Variants in CPE observed in about 807,000 individuals in gnomAD.
CPE encodes the protein carboxypeptidase E, also known as carbocypeptidase E.
Under a neutral mutation model 53.5 loss-of-function variants are expected in CPE, and 17 were observed. The ratio of observed to expected loss-of-function variants is 0.32; its 90% CI spans 0.22 to 0.48. The LOEUF is 0.48. CPE is among the 20% of genes least tolerant of loss of function. The pLI, the probability that CPE is intolerant of heterozygous loss-of-function variation, is 0.99. For missense variants in CPE, 524 were observed against 614.7 expected (o/e 0.85, Z 1.56); for synonymous variants, 226 against 228.8 (o/e 0.99, Z 0.11).
chr4:165,393,355 A>C (rs1376053673), intron 1 of CPE, among the ~76,000 whole-genome samples: 1 of 152,198 alleles, frequency 6.6e-6, no homozygotes, highest in Admixed American at 6.5e-5. Context: ...AGAAATATTT[A>C]GTATTTAACT....
chr4:165,497,255 A>C (rs1732717699), intron 8 of CPE, among the ~76,000 whole-genome samples: 1 of 152,150 alleles, frequency 6.6e-6, no homozygotes, highest in Admixed American at 6.6e-5. Flanking sequence ...AGACTGGGGC[A>C]AGAATTTTGT....
intron 1 of CPE, among the ~76,000 whole-genome samples, chr4:165,433,625 G>A (rs1208671245): frequency 6.6e-6 from 1 of 152,164 alleles, no homozygotes; most frequent in South Asian, 2.1e-4. Flanking sequence ...GCCATTTATA[G>A]GAGAAAGCAG....
At chr4:165,488,229 G>T (rs1173137855) in intron 6 of CPE, among the ~76,000 whole-genome samples, 6 of 152,104 alleles carry the variant, frequency 3.9e-5, no homozygotes, top group African/African-American at 1.4e-4. Context: ...AGGAATCAGA[G>T]ACACAGAGAG....
At chr4:165,431,739 T>C (rs551303652) in intron 1 of CPE, among the ~76,000 whole-genome samples, 10 of 152,248 alleles carry the variant, frequency 6.6e-5, no homozygotes, top group African/African-American at 2.4e-4. Flanking sequence ...TGAAAGCTGA[T>C]TTGATTTTTG....
intron 5 of CPE, among the ~76,000 whole-genome samples, chr4:165,485,529 T>C: frequency 6.6e-6 from 1 of 152,196 alleles, no homozygotes; most frequent in Non-Finnish European, 1.5e-5. Flanking sequence ...CTTAGTACTC[T>C]TTCCCCAATA....
chr4:165,496,111 C>G (rs1732701845), intron 8 of CPE, among the ~76,000 whole-genome samples: 1 of 152,072 alleles, frequency 6.6e-6, no homozygotes, highest in African/African-American at 2.4e-5. Context: ...TAAGTAGTAT[C>G]AAAAACCATA....
chr4:165,497,728 A>G lies in CPE; in HGVS notation c.*118A>G, dbSNP rs1163743809. On this transcript the variant is annotated 3_prime_UTR_variant, in exon 9 of 9. Transcript: ENST00000402744. ...ACATTGATTTATTTTTTAATCATTTAAATATTAATCAACTTTCCTTAAAAT... is the reference window on the plus strand; with the variant it reads ...ACATTGATTTATTTTTTAATCATTTGAATATTAATCAACTTTCCTTAAAAT... The G allele has an allele frequency of 2.3e-6, 1 of 437,238 alleles. No homozygotes were observed. The highest frequency in any genetic ancestry group is 3.8e-6 in the Non-Finnish European group (1 of 261,894). 27.1% of individuals were successfully genotyped at this position (437,238 alleles called of 1,614,324 possible). A position where few individuals can be genotyped will look rare whatever the true frequency, so the allele number is the denominator to read the frequency against.
At chr4:165,388,101 C>A (rs990548609) in intron 1 of CPE, among the ~76,000 whole-genome samples, 1 of 152,180 alleles carries the variant, frequency 6.6e-6, no homozygotes, top group Non-Finnish European at 1.5e-5. Context: ...ATCATAAAAT[C>A]TTTCCTTCAC....
At chr4:165,420,326 T>G (rs1731187550) in intron 1 of CPE, among the ~76,000 whole-genome samples, 1 of 152,288 alleles carries the variant, frequency 6.6e-6, no homozygotes, top group African/African-American at 2.4e-5. Flanking sequence ...TTAATATTGG[T>G]GATATACTTC....
At chr4:165,409,027 T>C (rs1730995221) in intron 1 of CPE, among the ~76,000 whole-genome samples, 2 of 152,224 alleles carry the variant, frequency 1.3e-5, no homozygotes. Context: ...AGACAGCAAC[T>C]GTCTCTTCTT....
At chr4:165,427,067 A>G (rs963017917) in intron 1 of CPE, among the ~76,000 whole-genome samples, 2 of 152,194 alleles carry the variant, frequency 1.3e-5, no homozygotes, top group Non-Finnish European at 2.9e-5. Context: ...GAGTTACTCC[A>G]TATTGCTTTG....
At chr4:165,455,354 C>T (rs1347757152) in intron 1 of CPE, among the ~76,000 whole-genome samples, 1 of 152,134 alleles carries the variant, frequency 6.6e-6, no homozygotes, top group African/African-American at 2.4e-5. Flanking sequence ...TAGTGAAAGA[C>T]AGCAGAATCT....
chr4:165,414,834 C>T (rs4293756), intron 1 of CPE, among the ~76,000 whole-genome samples: 45,140 of 151,654 alleles, frequency 0.3, 6,898 homozygotes, highest in Middle Eastern at 0.4. Flanking sequence ...CTCACATGAC[C>T]GCAGGGACAG....
chr4:165,497,467 A>C (rs770548812), intron 8 of CPE, 45 bp from the exon 9 acceptor site: 4 of 1,108,280 alleles, frequency 3.6e-6, no homozygotes, highest in Admixed American at 2.8e-5. Flanking sequence ...ATTTAAAAAA[A>C]CACATGCAGT....
In CPE at chr4:165,493,234, A is replaced by G. The variant is rs144687736; in HGVS notation, c.1177A>G (p.Ile393Val). The change falls in exon 7 of 9, where the codon ATC becomes GTC. Residue 393 changes from isoleucine (I) to valine (V), a missense_variant. Ile to Val is a conservative substitution (Grantham distance 29). Transcript: ENST00000402744. ...AGGTAACCCAATTGCGAATGCCACCATCTCCGTGGAAGGAATAGACCACGA... is the reference window on the plus strand; with the variant it reads ...AGGTAACCCAATTGCGAATGCCACCGTCTCCGTGGAAGGAATAGACCACGA... The part of the protein sequence containing the change: ...LQGNPIANAT[I>V]SVEGIDHDVT... 669 of 1,614,140 alleles carry G rather than the reference A, an allele frequency of 4.1e-4. 3 individuals are homozygous for G. In the Middle Eastern group the frequency reaches 4.6e-3, roughly 11 times the overall value.
chr4:165,475,079 T>G (rs1198334601), intron 3 of CPE, among the ~76,000 whole-genome samples: 1 of 152,170 alleles, frequency 6.6e-6, no homozygotes, highest in East Asian at 1.9e-4. Context: ...ACGGCAACAT[T>G]TATTTGCCCT....
chr4:165,404,258 C>A, intron 1 of CPE: 4 of 766,944 alleles, frequency 5.2e-6, no homozygotes, highest in Non-Finnish European at 9.7e-6. Context: ...TCCAATGTCT[C>A]CCTCTGCAGG....
At chr4:165,487,314 C>A in intron 5 of CPE, 124 bp from the exon 6 acceptor site, 1 of 1,330,830 alleles carries the variant, frequency 7.5e-7, no homozygotes. Context: ...TTAAGTTTTC[C>A]CACAGGCTTC....
At chr4:165,481,777 A>G (rs1463706880) in intron 3 of CPE, among the ~76,000 whole-genome samples, 3 of 152,226 alleles carry the variant, frequency 2.0e-5, no homozygotes, top group Non-Finnish European at 2.9e-5. Flanking sequence ...AGTTGGGAAA[A>G]TAGTAAGCAA....
Sources: allele counts gnomAD v4.1 joint callset (sites outside exome capture counted in the v4.1 genomes callset), GRCh38; gene constraint gnomAD v4.1.1; transcripts MANE v1.5; gene names NCBI Gene and HGNC (gene_info 2026-07-23, HGNC 2026-07-21).